Variants in PIK3C3 observed in about 807,000 individuals in gnomAD.
The protein encoded by PIK3C3 is phosphatidylinositol 3-kinase catalytic subunit type 3.
Under a neutral mutation model 126.1 loss-of-function variants are expected in PIK3C3, and 95 were observed. That is an observed-to-expected ratio of 0.75 (90% CI 0.64 to 0.89). The LOEUF is 0.89. Ranked by LOEUF, PIK3C3 falls within the 40% of genes least tolerant of loss-of-function variation. The probability of loss-of-function intolerance (pLI) is 0.00; values close to 1 mark genes in which losing one functional copy is unlikely to be tolerated. For synonymous variants in PIK3C3, 374 were observed against 360.0 expected, an observed-to-expected ratio of 1.04 and a Z score of -0.44; for missense variants, 829 against 1,063.2, an observed-to-expected ratio of 0.78 and a Z score of 3.06.
intron 1 of PIK3C3, 176 bp downstream of exon 1, chr18:41,955,535 T>C (rs1393178115): frequency 1.8e-6 from 1 of 560,388 alleles, no homozygotes; most frequent in African/African-American, 1.9e-5. Flanking sequence ...AGAGGGGCTC[T>C]TTTGGAAAAG....
intron 10 of PIK3C3, among the ~76,000 whole-genome samples, chr18:42,005,466 T>C (rs1202323421): frequency 1.3e-5 from 2 of 152,206 alleles, no homozygotes; most frequent in Non-Finnish European, 1.5e-5. Flanking sequence ...AAGAACACTT[T>C]TTTGACAAAA....
At position 42,054,166 on chromosome 18, in the gene PIK3C3, A is replaced by C. The variant is rs1488391397; in HGVS notation, c.2264-3717A>C. Reference sequence around the variant, plus strand: ...TATATATATATATATATATATATATATATATATATATATATATATATATAT... The same window carrying C: ...TATATATATATATATATATATATATCTATATATATATATATATATATATAT... On this transcript the variant is annotated intron_variant, in intron 21 of 24. Coordinates refer to ENST00000262039, the MANE Select transcript of PIK3C3 (RefSeq NM_002647.4). 2.0e-3 allele frequency among the ~76,000 whole-genome samples: 94 copies of C among 46,784 alleles called. 3 individuals carry two copies. Among genetic ancestry groups the C allele is most frequent in the Non-Finnish European group, 2.6e-3 (61 of 23,590 alleles). The allele number at this position is 46,784 out of a possible 152,430, so 30.7% of individuals were successfully genotyped here. A position where few individuals can be genotyped will look rare whatever the true frequency, so the allele number is the denominator to read the frequency against.
chr18:42,059,260 T>C (rs1985209662), intron 22 of PIK3C3, among the ~76,000 whole-genome samples: 2 of 152,220 alleles, frequency 1.3e-5, no homozygotes, highest in Admixed American at 6.5e-5. Context: ...CAAATGGCCA[T>C]GATATTTATC....
At chr18:42,009,367 T>G (rs1982695042) in intron 10 of PIK3C3, among the ~76,000 whole-genome samples, 1 of 152,150 alleles carries the variant, frequency 6.6e-6, no homozygotes, top group Admixed American at 6.5e-5. Flanking sequence ...CCTAATGACC[T>G]TTTTAAAAAT....
At position 42,029,364 on chromosome 18, in the gene PIK3C3, G is replaced by A. The variant is rs373586031; in HGVS notation, c.1630G>A (p.Ala544Thr). ...SVRVMRSLLA[A>T]QQTFVDRLVH... ...CAGAGTTATGCGTTCTTTGCTGGCTGCACAACAGACATTTGTAGATCGGTT... is the reference window on the plus strand; with the variant it reads ...CAGAGTTATGCGTTCTTTGCTGGCTACACAACAGACATTTGTAGATCGGTT... The change falls in exon 15 of 25, where the codon GCA (alanine) becomes ACA (threonine). Residue 544 changes from alanine to threonine, a missense_variant. By Grantham distance (58) the Ala-to-Thr change is moderately conservative. Coordinates refer to ENST00000262039, the MANE Select transcript of PIK3C3 (RefSeq NM_002647.4). 2 of 1,613,546 alleles carry A rather than the reference G, an allele frequency of 1.2e-6. No homozygotes were observed. Among genetic ancestry groups the A allele is most frequent in the Non-Finnish European group, 1.7e-6 (2 of 1,179,762 alleles).
In PIK3C3 at chr18:42,081,336, G is replaced by C. The variant is rs1986242952; in HGVS notation, c.*199G>C. On this transcript the variant is annotated 3_prime_UTR_variant, in exon 25 of 25. Transcript: ENST00000262039. ...GCTTAAATATAGTCTTGAAGGGCTT[G>C]TTTTGAAATATTGTATATATTTTTT... is the stretch of plus-strand genomic sequence containing the variant. 2.3e-6 allele frequency: 1 copy of C among 428,696 alleles called. No individual in the cohort carries two copies. The highest frequency in any genetic ancestry group is 4.2e-5 in the Admixed American group (1 of 23,900). 26.6% of individuals were successfully genotyped at this position (428,696 alleles called of 1,614,324 possible).
chr18:41,955,281 C>T lies in PIK3C3; in HGVS notation c.-11C>T. On this transcript the variant is annotated 5_prime_UTR_variant, in exon 1 of 25. Coordinates refer to ENST00000262039, the MANE Select transcript of PIK3C3 (RefSeq NM_002647.4). ...GTTCCCGCTGTAGGTGGTACCTTTGCAGACGGTGCGATGGGGGAAGCAGAG... is the reference window on the plus strand; with the variant it reads ...GTTCCCGCTGTAGGTGGTACCTTTGTAGACGGTGCGATGGGGGAAGCAGAG... 2 of 1,611,412 alleles carry T rather than the reference C, an allele frequency of 1.2e-6. No homozygotes were observed. The highest frequency in any genetic ancestry group is 8.5e-7 in the Non-Finnish European group (1 of 1,178,206).
rs141145945 is a variant in PIK3C3 at position 42,069,528 on chromosome 18, C to T, written c.2649+2015C>T. 4.0e-4 allele frequency among the ~76,000 whole-genome samples: 61 copies of T among 152,312 alleles called. 1 individual carries two copies. The East Asian group carries it at 8.7e-3, about 22-fold the overall frequency. On this transcript the variant is annotated intron_variant, in intron 24 of 24. Coordinates refer to ENST00000262039, the MANE Select transcript of PIK3C3 (RefSeq NM_002647.4). ...GTGTCAATCAAACTTTTCCTGGCCA[C>T]GGCCCATCTCTGTGTGTGTACACCT... is the stretch of plus-strand genomic sequence containing the variant.
chr18:41,997,181 A>G (rs896456544), intron 9 of PIK3C3, among the ~76,000 whole-genome samples: 2 of 152,138 alleles, frequency 1.3e-5, no homozygotes, highest in Admixed American at 6.6e-5. Flanking sequence ...TGACTAGGAA[A>G]ATACGTATGC....
At chr18:41,987,685 T>C (rs1981555889) in intron 4 of PIK3C3, 127 bp from the exon 5 acceptor site, 1 of 515,970 alleles carries the variant, frequency 1.9e-6, no homozygotes, top group Non-Finnish European at 3.5e-6. Context: ...ATCCTGCTAA[T>C]TGCGTATGGT....
At chr18:42,047,242 A>T (rs1984596822) in intron 20 of PIK3C3, among the ~76,000 whole-genome samples, 1 of 152,162 alleles carries the variant, frequency 6.6e-6, no homozygotes. Context: ...AGCTGCACTG[A>T]TGTACAGTGA....
At chr18:41,977,592 G>A (rs769238103) in intron 4 of PIK3C3, among the ~76,000 whole-genome samples, 6 of 151,906 alleles carry the variant, frequency 3.9e-5, no homozygotes, top group Admixed American at 6.6e-5. Context: ...GGGTTCAAGC[G>A]ATTCTCTGCC....
chr18:41,966,177 C>CTTTTTT (rs10539758), intron 3 of PIK3C3, among the ~76,000 whole-genome samples: 46 of 112,526 alleles, frequency 4.1e-4, no homozygotes, highest in Non-Finnish European at 7.0e-4. Flanking sequence ...TATATTGTTC[C>CTTTTTT]TTTTTTTTTT....
chr18:41,977,806 T>A (rs1013934339), intron 4 of PIK3C3, among the ~76,000 whole-genome samples: 4 of 152,104 alleles, frequency 2.6e-5, no homozygotes, highest in African/African-American at 9.7e-5. Context: ...ATTTTCTTTG[T>A]GTGATCACAA....
chr18:42,075,710 T>TTA (rs1191794404), intron 24 of PIK3C3, among the ~76,000 whole-genome samples: 1 of 149,430 alleles, frequency 6.7e-6, no homozygotes, highest in Non-Finnish European at 1.5e-5. Flanking sequence ...TAATATACAT[T>TTA]TATATATATG....
At chr18:42,077,035 G>T (rs552081175) in intron 24 of PIK3C3, among the ~76,000 whole-genome samples, 3 of 152,252 alleles carry the variant, frequency 2.0e-5, no homozygotes, top group East Asian at 1.9e-4. Context: ...AAGATTTTTT[G>T]ATCTGAAGTC....
chr18:42,001,675 G>T (rs1280010865), intron 9 of PIK3C3, among the ~76,000 whole-genome samples: 3 of 151,918 alleles, frequency 2.0e-5, no homozygotes, highest in Non-Finnish European at 4.4e-5. Flanking sequence ...ATGTTTTTTG[G>T]CAGCAGCATA....
chr18:42,004,573 G>C, intron 10 of PIK3C3, 32 bp downstream of exon 10: 1 of 1,526,956 alleles, frequency 6.5e-7, no homozygotes, highest in Non-Finnish European at 8.9e-7. Flanking sequence ...TGCTTCAATG[G>C]GTCATTTTAA....
intron 23 of PIK3C3, among the ~76,000 whole-genome samples, chr18:42,066,693 T>A (rs980493501): frequency 6.6e-6 from 1 of 152,220 alleles, no homozygotes; most frequent in Non-Finnish European, 1.5e-5. Context: ...TAACATTGAC[T>A]TTTATATATA....
Sources: gnomAD v4.1 joint callset for allele counts (sites outside exome capture counted in the v4.1 genomes callset) on GRCh38, gnomAD v4.1.1 for gene constraint, MANE v1.5 for transcripts, NCBI Gene and HGNC (gene_info 2026-07-23, HGNC 2026-07-21) for gene names.